PRUNE2: variants seen among roughly 807,000 people sequenced by gnomAD.
PRUNE2 encodes prune homolog 2 with BCH domain, also known as protein prune homolog 2.
In PRUNE2, 164 loss-of-function variants were observed where a neutral mutation model predicts 252.0. The observed-to-expected ratio is 0.65, with a 90% confidence interval of 0.57 to 0.74. PRUNE2 has a LOEUF of 0.74. Ranked by LOEUF, PRUNE2 falls within the 30% of genes least tolerant of loss-of-function variation. The pLI is 0.00. For missense variants in PRUNE2, 3,495 were observed against 3,711.0 expected, an observed-to-expected ratio of 0.94 and a Z score of 1.51; for synonymous variants, 1,292 against 1,350.2, an observed-to-expected ratio of 0.96 and a Z score of 0.94.
intron 11 of PRUNE2, among the ~76,000 whole-genome samples, chr9:76,648,123 A>G (rs962956688): frequency 1.3e-5 from 2 of 152,206 alleles, no homozygotes; most frequent in Non-Finnish European, 2.9e-5. Context: ...ATAGCAAGAT[A>G]CCACTACATA....
rs2043324616 is a variant in PRUNE2 at position 76,680,682 on chromosome 9, T to A, written c.8276+22655A>T. On this transcript the variant is annotated intron_variant, in intron 9 of 18. Transcript: ENST00000376718. ...GAAGAATGGAAGTATTAGTCCATTTTCATACTGCTACAAAGAACTACCTGA... is the reference window on the plus strand; with the variant it reads ...GAAGAATGGAAGTATTAGTCCATTTACATACTGCTACAAAGAACTACCTGA... Among the ~76,000 whole-genome samples, 3 of 152,238 alleles carry A rather than the reference T, an allele frequency of 2.0e-5. No homozygotes were observed. The South Asian group carries it at 6.2e-4, about 32-fold the overall frequency.
intron 1 of PRUNE2, among the ~76,000 whole-genome samples, chr9:76,883,172 T>C (rs915432569): frequency 6.6e-6 from 1 of 152,222 alleles, no homozygotes; most frequent in Admixed American, 6.5e-5. Flanking sequence ...CACTTTTACA[T>C]ATAGCAAAAT....
rs1390572593 is a variant in PRUNE2 at position 76,706,214 on chromosome 9, A to G, written c.6060T>C (p.Ala2020=). 6.2e-7 allele frequency: 1 copy of G among 1,614,002 alleles called. No homozygotes were observed. Among genetic ancestry groups the G allele is most frequent in the Non-Finnish European group, 8.5e-7 (1 of 1,179,882 alleles). ...TTATCAGTTGGGTGGGAGAACTGAC[A>G]GCAGGAAAATTTTCTGTGGCAATGC... ...NSSIATENFP[A]VSSPTQLIMK... is the part of the protein sequence containing the mutation. Residue 2020 remains alanine (A), a synonymous_variant, in exon 8 of 19, where the codon GCT becomes GCC. Coordinates refer to ENST00000376718, the MANE Select transcript of PRUNE2 (RefSeq NM_015225.3).
intron 6 of PRUNE2, chr9:76,736,983 T>C (rs2049130348): frequency 6.9e-6 from 1 of 145,670 alleles, no homozygotes; most frequent in African/African-American, 2.7e-5. Flanking sequence ...CTCTATGTGG[T>C]GCAGCATCCT....
chr9:76,643,002 G>A (rs1324603752), intron 12 of PRUNE2, among the ~76,000 whole-genome samples: 1 of 152,186 alleles, frequency 6.6e-6, no homozygotes, highest in African/African-American at 2.4e-5. Flanking sequence ...CGAGCAAATG[G>A]CAAAGGGAGG....
At chr9:76,747,246 G>A (rs1319069299) in intron 6 of PRUNE2, among the ~76,000 whole-genome samples, 1 of 152,152 alleles carries the variant, frequency 6.6e-6, no homozygotes, top group Non-Finnish European at 1.5e-5. Flanking sequence ...AGAGTTCACA[G>A]TTTTGTAATA....
chr9:76,642,012 A>AG (rs1842827171), intron 12 of PRUNE2: 1 of 1,374,908 alleles, frequency 7.3e-7, no homozygotes, highest in East Asian at 2.5e-5. Flanking sequence ...AAAAAAAAAA[A>AG]AAAAAGAAAA....
intron 6 of PRUNE2, among the ~76,000 whole-genome samples, chr9:76,791,123 G>A (rs919175164): frequency 2.0e-5 from 3 of 152,216 alleles, no homozygotes; most frequent in African/African-American, 2.4e-5. Flanking sequence ...CAAACTTTCA[G>A]CTATGTGATG....
chr9:76,630,267 T>C (rs889514080), intron 15 of PRUNE2, among the ~76,000 whole-genome samples: 2 of 151,964 alleles, frequency 1.3e-5, no homozygotes, highest in African/African-American at 2.4e-5. Flanking sequence ...TTTTTGTTTT[T>C]TTTTTTTTAA....
At chr9:76,752,895 T>C (rs1269898638) in intron 6 of PRUNE2, among the ~76,000 whole-genome samples, 1 of 152,170 alleles carries the variant, frequency 6.6e-6, no homozygotes, top group Non-Finnish European at 1.5e-5. Flanking sequence ...CTTGAGAGCA[T>C]TTGAAAAGAG....
intron 6 of PRUNE2, among the ~76,000 whole-genome samples, chr9:76,814,665 G>A (rs556360609): frequency 3.3e-5 from 5 of 152,262 alleles, no homozygotes; most frequent in African/African-American, 1.2e-4. Context: ...GGAATCCAAG[G>A]TTGGGGTATT....
intron 6 of PRUNE2, among the ~76,000 whole-genome samples, chr9:76,813,909 T>C (rs936462869): frequency 6.6e-6 from 1 of 152,174 alleles, no homozygotes; most frequent in Non-Finnish European, 1.5e-5. Context: ...CTCCGTCTCC[T>C]GGGTTCAAGC....
intron 4 of PRUNE2, among the ~76,000 whole-genome samples, chr9:76,845,396 G>C (rs1453961433): frequency 6.6e-6 from 1 of 152,114 alleles, no homozygotes; most frequent in East Asian, 1.9e-4. Context: ...CTTTCCTCTT[G>C]GCTGAGATCC....
At chr9:76,866,196 C>A (rs956381230) in intron 1 of PRUNE2, among the ~76,000 whole-genome samples, 1 of 152,216 alleles carries the variant, frequency 6.6e-6, no homozygotes, top group East Asian at 1.9e-4. Flanking sequence ...ATTAGAAGGG[C>A]ATAATTCTAA....
chr9:76,816,281 A>G (rs1334212665), intron 6 of PRUNE2, among the ~76,000 whole-genome samples: 1 of 152,152 alleles, frequency 6.6e-6, no homozygotes, highest in Non-Finnish European at 1.5e-5. Context: ...TATTCTAAAT[A>G]TTATCAGCTT....
chr9:76,628,271 A>G (rs1835820709), intron 16 of PRUNE2, among the ~76,000 whole-genome samples: 2 of 152,132 alleles, frequency 1.3e-5, no homozygotes, highest in Admixed American at 6.5e-5. Flanking sequence ...GTTAAATTTT[A>G]TCCTAGTTTT....
At chr9:76,782,517 T>A (rs1190180437) in intron 6 of PRUNE2, among the ~76,000 whole-genome samples, 1 of 152,224 alleles carries the variant, frequency 6.6e-6, no homozygotes, top group Non-Finnish European at 1.5e-5. Context: ...TTTACAGAGT[T>A]CTTCTAAAAA....
intron 9 of PRUNE2, chr9:76,692,122 C>T (rs776472223): frequency 5.4e-5 from 39 of 717,412 alleles, no homozygotes; most frequent in South Asian, 3.1e-4. Flanking sequence ...GAAGGATGCA[C>T]GACTACAGCT....
chr9:76,826,552 C>T, intron 5 of PRUNE2, 28 bp downstream of exon 5: 2 of 1,523,868 alleles, frequency 1.3e-6, no homozygotes, highest in Non-Finnish European at 1.8e-6. Context: ...TCGGGAGGGA[C>T]AAGAGAGCTG....
Sources: allele counts gnomAD v4.1 joint callset (sites outside exome capture counted in the v4.1 genomes callset), GRCh38; gene constraint gnomAD v4.1.1; transcripts MANE v1.5; gene names NCBI Gene and HGNC (gene_info 2026-07-23, HGNC 2026-07-21).